PRKCH: variants seen among roughly 807,000 people sequenced by gnomAD.
PRKCH encodes the protein protein kinase C eta type.
In PRKCH, 28 loss-of-function variants were observed where a neutral mutation model predicts 82.5. The observed-to-expected ratio is 0.34, with a 90% confidence interval of 0.25 to 0.47. The LOEUF is 0.47. PRKCH is among the 20% of genes least tolerant of loss of function. The pLI is 1.00. For synonymous variants in PRKCH, 322 were observed against 327.4 expected (o/e 0.98, Z 0.18); for missense variants, 705 against 881.8 (o/e 0.80, Z 2.54).
chr14:61,426,527 A>C (rs1294844817), intron 2 of PRKCH, among the ~76,000 whole-genome samples: 2 of 152,208 alleles, frequency 1.3e-5, no homozygotes, highest in Non-Finnish European at 1.5e-5. Flanking sequence ...ACTTCTTAAT[A>C]ATGCTTTGAT....
At chr14:61,314,163 A>C (rs1039835417) in intron 1 of PRKCH, among the ~76,000 whole-genome samples, 2 of 149,370 alleles carry the variant, frequency 1.3e-5, no homozygotes, top group Admixed American at 6.8e-5. Flanking sequence ...TAAATAATTT[A>C]TCTCTTCTTT....
intron 1 of PRKCH, among the ~76,000 whole-genome samples, chr14:61,388,015 A>G (rs2046614308): frequency 6.6e-6 from 1 of 152,012 alleles, no homozygotes; most frequent in South Asian, 2.1e-4. Flanking sequence ...AGGTGTGGTG[A>G]CATGTGCCTG....
intron 10 of PRKCH, among the ~76,000 whole-genome samples, chr14:61,508,833 T>G (rs778420924): frequency 3.9e-5 from 6 of 152,164 alleles, no homozygotes; most frequent in Non-Finnish European, 5.9e-5. Context: ...TTCTTGACTC[T>G]CTAGATGTAT....
intron 1 of PRKCH, among the ~76,000 whole-genome samples, chr14:61,263,193 T>A (rs1024947932): frequency 6.6e-6 from 1 of 152,222 alleles, no homozygotes; most frequent in African/African-American, 2.4e-5. Context: ...TTCCCTCTCA[T>A]TCAAAGCAGT....
intron 1 of PRKCH, among the ~76,000 whole-genome samples, chr14:61,367,577 G>A (rs1223352506): frequency 6.6e-6 from 1 of 151,948 alleles, no homozygotes; most frequent in East Asian, 1.9e-4. Flanking sequence ...CCCTAACTCT[G>A]GCCTCTGTTG....
chr14:61,329,769 G>A (rs2045757402), intron 1 of PRKCH, among the ~76,000 whole-genome samples: 1 of 152,170 alleles, frequency 6.6e-6, no homozygotes, highest in African/African-American at 2.4e-5. Context: ...TCCTCCTAGT[G>A]TTCCCTCAGT....
intron 4 of PRKCH, among the ~76,000 whole-genome samples, chr14:61,448,121 T>C (rs1482027103): frequency 6.6e-6 from 1 of 152,198 alleles, no homozygotes; most frequent in Non-Finnish European, 1.5e-5. Context: ...TCCCCTCATA[T>C]AAAAAGACCA....
intron 1 of PRKCH, among the ~76,000 whole-genome samples, chr14:61,369,249 C>T (rs2046336742): frequency 6.6e-6 from 1 of 152,056 alleles, no homozygotes; most frequent in Non-Finnish European, 1.5e-5. Context: ...GACCCCCATG[C>T]CCAGATTCTG....
intron 1 of PRKCH, chr14:61,327,231 T>C: frequency 2.5e-6 from 1 of 395,872 alleles, no homozygotes; most frequent in Non-Finnish European, 5.2e-6. Flanking sequence ...ATGTTACTAC[T>C]GGACAATCAT....
chr14:61,443,034 C>A (rs1884050593), intron 2 of PRKCH, 77 bp from the exon 3 acceptor site: 5 of 1,390,004 alleles, frequency 3.6e-6, no homozygotes, highest in Non-Finnish European at 4.9e-6. Flanking sequence ...AGCACTTGAA[C>A]TATCAAACTT....
intron 2 of PRKCH, among the ~76,000 whole-genome samples, chr14:61,439,180 G>A (rs1286113874): frequency 6.6e-6 from 1 of 151,660 alleles, no homozygotes; most frequent in Non-Finnish European, 1.5e-5. Flanking sequence ...ATTCAATAGG[G>A]TTTTTTTTTA....
chr14:61,308,493 A>T (rs1165567083), intron 1 of PRKCH, among the ~76,000 whole-genome samples: 1 of 152,168 alleles, frequency 6.6e-6, no homozygotes, highest in Non-Finnish European at 1.5e-5. Context: ...TTTTTATATT[A>T]TCACACCCAT....
At chr14:61,415,719 T>C (rs528266196) in intron 2 of PRKCH, among the ~76,000 whole-genome samples, 2 of 152,220 alleles carry the variant, frequency 1.3e-5, no homozygotes, top group Non-Finnish European at 2.9e-5. Context: ...CATTTGTAAG[T>C]GTATAGTCCA....
intron 1 of PRKCH, among the ~76,000 whole-genome samples, chr14:61,388,363 G>A (rs2046622079): frequency 6.6e-6 from 1 of 152,190 alleles, no homozygotes; most frequent in South Asian, 2.1e-4. Flanking sequence ...AAATGCGGAA[G>A]GAAACCTGTT....
intron 5 of PRKCH, among the ~76,000 whole-genome samples, chr14:61,449,944 CATT>C (rs1377126446): frequency 6.6e-6 from 1 of 151,286 alleles, no homozygotes; most frequent in Non-Finnish European, 1.5e-5. Context: ...GCTTCAACAT[CATT>C]CTTGCCACTC....
At position 61,391,205 on chromosome 14, in the gene PRKCH, A is replaced by ATT; in HGVS notation, c.364-12_364-11dup. ...ATTTTAAAACTAACATATAATATAC[A>ATT]TTTTTTTTTCTCTTTGTAGGTGGAT... On this transcript the variant is annotated intron_variant, in intron 1 of 13. Transcript: ENST00000332981. 2.5e-6 allele frequency: 4 copies of ATT among 1,569,986 alleles called. No individual in the cohort carries two copies. Among genetic ancestry groups the ATT allele is most frequent in the African/African-American group, 1.4e-5 (1 of 73,082 alleles).
intron 1 of PRKCH, among the ~76,000 whole-genome samples, chr14:61,232,468 G>T (rs1014901281): frequency 6.6e-6 from 1 of 152,164 alleles, no homozygotes; most frequent in Non-Finnish European, 1.5e-5. Context: ...CCATCCACCC[G>T]CTTTGGCCTC....
At chr14:61,274,746 G>A (rs1330786753) in intron 1 of PRKCH, among the ~76,000 whole-genome samples, 1 of 152,226 alleles carries the variant, frequency 6.6e-6, no homozygotes, top group Non-Finnish European at 1.5e-5. Context: ...GGCCCATACA[G>A]AAGTTACAGT....
At chr14:61,338,255 T>C (rs1323270767) in intron 1 of PRKCH, among the ~76,000 whole-genome samples, 1 of 152,190 alleles carries the variant, frequency 6.6e-6, no homozygotes, top group East Asian at 1.9e-4. Flanking sequence ...AAAGGAAAAA[T>C]TCCTTATCAT....
Sources: gnomAD v4.1 joint callset for allele counts (sites outside exome capture counted in the v4.1 genomes callset) on GRCh38, gnomAD v4.1.1 for gene constraint, MANE v1.5 for transcripts, NCBI Gene and HGNC (gene_info 2026-07-23, HGNC 2026-07-21) for gene names.